The following ERLEC1 variants were observed in gnomAD, a reference collection of about 807,000 sequenced individuals.
ERLEC1 encodes endoplasmic reticulum lectin 1.
Under a neutral mutation model 68.0 loss-of-function variants are expected in ERLEC1, and 47 were observed. That is an observed-to-expected ratio of 0.69 (90% CI 0.55 to 0.88). The LOEUF (loss-of-function observed/expected upper bound fraction) is 0.88. Among genes scored for constraint, ERLEC1 ranks in the 40% least tolerant of loss-of-function variants. The pLI is 0.00. For missense variants in ERLEC1, 567 were observed against 583.8 expected (o/e 0.97, Z 0.30); for synonymous variants, 225 against 203.2 (o/e 1.11, Z -0.91).
intron 8 of ERLEC1, among the ~76,000 whole-genome samples, chr2:53,803,473 A>G (rs753934790): frequency 3.3e-5 from 5 of 152,102 alleles, no homozygotes; most frequent in Non-Finnish European, 7.4e-5. Context: ...TCTTTAAATA[A>G]TGTGTTTAGT....
At chr2:53,808,523 T>C (rs1676421429) in intron 9 of ERLEC1, 63 bp downstream of exon 9, 10 of 1,520,940 alleles carry the variant, frequency 6.6e-6, no homozygotes, top group Non-Finnish European at 9.0e-6. Context: ...GTATGGTCAG[T>C]GGGCATCAGC....
At chr2:53,801,340 C>A (rs1042059919) in intron 6 of ERLEC1, 57 bp from the exon 7 acceptor site, 3 of 1,311,164 alleles carry the variant, frequency 2.3e-6, no homozygotes, top group Middle Eastern at 2.1e-4. Context: ...CCTCTCCCAC[C>A]CCCAGTCCCA....
chr2:53,794,694 C>T lies in ERLEC1; in HGVS notation c.267+245C>T, dbSNP rs191211760. 3.1e-3 allele frequency among the ~76,000 whole-genome samples: 475 copies of T among 152,184 alleles called. 7 individuals are homozygous for T. The highest frequency in any genetic ancestry group is 0.017 in the East Asian group (88 of 5,174). On this transcript the variant is annotated intron_variant, in intron 2 of 13. Transcript: ENST00000185150. The stretch of plus-strand genomic sequence containing the variant: ...ATTTTGAGACGAAGTCTCACTCTAT[C>T]GCCAGGCTGGAGGGCAGTGGCACGA...
At chr2:53,807,978 C>T (rs539597727) in intron 8 of ERLEC1, among the ~76,000 whole-genome samples, 1 of 151,668 alleles carries the variant, frequency 6.6e-6, no homozygotes, top group African/African-American at 2.4e-5. Context: ...TGAGCTGAGA[C>T]CGCACCAGCG....
intron 1 of ERLEC1, among the ~76,000 whole-genome samples, chr2:53,793,144 TATCTTAGAAC>T (rs1366419520): frequency 5.9e-5 from 9 of 152,194 alleles, no homozygotes; most frequent in Non-Finnish European, 1.3e-4. Context: ...AGAATTGAAT[TATCTTAGAAC>T]ATGTGTCATA....
At chr2:53,805,116 G>A (rs974460858) in intron 8 of ERLEC1, among the ~76,000 whole-genome samples, 1 of 148,182 alleles carries the variant, frequency 6.7e-6, no homozygotes, top group Admixed American at 6.9e-5. Flanking sequence ...TCCAACTCCT[G>A]GTTTCAAGTG....
chr2:53,791,902 CT>C lies in ERLEC1; in HGVS notation c.163-2439del, dbSNP rs1270523654. ...TGATTCCCTCATCATCTATAATGCT[CT>C]TTTAAAAAAAAAAAAAAAAAAAAAA... On this transcript the variant is annotated intron_variant, in intron 1 of 13. Transcript: ENST00000185150. Among the ~76,000 whole-genome samples, 475 of 118,276 alleles carry C rather than the reference CT, an allele frequency of 4.0e-3. 6 individuals are homozygous for C. Among genetic ancestry groups the C allele is most frequent in the African/African-American group, 0.015 (446 of 29,864 alleles). 77.6% of individuals were successfully genotyped at this position (118,276 alleles called of 152,430 possible).
chr2:53,815,010 T>G (rs1013398016), intron 13 of ERLEC1, 75 bp downstream of exon 13: 47 of 987,286 alleles, frequency 4.8e-5, no homozygotes, highest in African/African-American at 3.4e-4. Flanking sequence ...TTTTTTTTTT[T>G]TTTTTTGTTT....
At chr2:53,805,765 A>G (rs1178184238) in intron 8 of ERLEC1, among the ~76,000 whole-genome samples, 1 of 152,212 alleles carries the variant, frequency 6.6e-6, no homozygotes, top group African/African-American at 2.4e-5. Context: ...ATTCCCACCA[A>G]CAGTATACAA....
chr2:53,796,517 T>A (rs184757290), intron 3 of ERLEC1, among the ~76,000 whole-genome samples: 7 of 152,216 alleles, frequency 4.6e-5, no homozygotes, highest in African/African-American at 1.7e-4. Context: ...TAGAGTATAG[T>A]GGCATGATCA....
At chr2:53,813,727 G>A (rs1024371171) in intron 11 of ERLEC1, among the ~76,000 whole-genome samples, 4 of 150,822 alleles carry the variant, frequency 2.7e-5, no homozygotes, top group African/African-American at 7.3e-5. Context: ...GATTTGGATT[G>A]TTTTCAGAGT....
intron 8 of ERLEC1, among the ~76,000 whole-genome samples, chr2:53,806,428 C>G (rs1676297854): frequency 6.6e-6 from 1 of 152,126 alleles, no homozygotes; most frequent in African/African-American, 2.4e-5. Flanking sequence ...CTCATGTATT[C>G]CCAGGTTATT....
intron 13 of ERLEC1, 50 bp downstream of exon 13, chr2:53,814,985 A>ATTTTTTTTTTTT: frequency 2.1e-6 from 2 of 967,256 alleles, no homozygotes; most frequent in Non-Finnish European, 3.0e-6. Flanking sequence ...CCATGTTTTA[A>ATTTTTTTTTTTT]TTTTTTTTTC....
intron 8 of ERLEC1, among the ~76,000 whole-genome samples, chr2:53,804,447 T>C (rs1289946063): frequency 6.6e-6 from 1 of 152,108 alleles, no homozygotes; most frequent in African/African-American, 2.4e-5. Context: ...CTAATTCTTA[T>C]ATTTTTTTAG....
chr2:53,788,765 C>T (rs1047530551), intron 1 of ERLEC1: 1 of 152,086 alleles, frequency 6.6e-6, no homozygotes, highest in Admixed American at 6.5e-5. Flanking sequence ...AATATTGATA[C>T]ATTGAAATAC....
intron 8 of ERLEC1, among the ~76,000 whole-genome samples, chr2:53,804,623 A>G (rs1676181027): frequency 6.6e-6 from 1 of 152,168 alleles, no homozygotes; most frequent in South Asian, 2.1e-4. Context: ...TAATAATCAC[A>G]TCTTGGAGAA....
Position 53,787,125 on chromosome 2 carries a change from G to GCCA in ERLEC1, c.-84_-83insACC. ...TACCCGGGCGCTTTATAGTCCCGCC[G>GCCA]CCTCCTCCTCCACCTCCTCCTCCTC... On this transcript the variant is annotated 5_prime_UTR_variant, in exon 1 of 14. Transcript: ENST00000185150. 2 of 661,226 alleles carry GCCA rather than the reference G, an allele frequency of 3.0e-6. No homozygotes were observed. Among genetic ancestry groups the GCCA allele is most frequent in the African/African-American group, 1.9e-5 (1 of 52,658 alleles). The allele number at this position is 661,226 out of a possible 1,614,324, so 41.0% of individuals were successfully genotyped here. A position where few individuals can be genotyped will look rare whatever the true frequency, so the allele number is the denominator to read the frequency against.
At chr2:53,817,814 T>A (rs909381906) in intron 13 of ERLEC1, 84 bp from the exon 14 acceptor site, 3 of 747,472 alleles carry the variant, frequency 4.0e-6, no homozygotes, top group Non-Finnish European at 7.1e-6. Flanking sequence ...CTAGCAAATA[T>A]AACTACATGT....
At chr2:53,791,414 TTTA>T (rs1675386932) in intron 1 of ERLEC1, among the ~76,000 whole-genome samples, 1 of 152,240 alleles carries the variant, frequency 6.6e-6, no homozygotes, top group African/African-American at 2.4e-5. Flanking sequence ...ACATTCAGAA[TTTA>T]TTATATTTTG....
Sources: gnomAD v4.1 joint callset for allele counts (sites outside exome capture counted in the v4.1 genomes callset) on GRCh38, gnomAD v4.1.1 for gene constraint, MANE v1.5 for transcripts, NCBI Gene and HGNC (gene_info 2026-07-23, HGNC 2026-07-21) for gene names.